NAMPT: variants seen among roughly 807,000 people sequenced by gnomAD.
The protein encoded by NAMPT is NAmPRTase.
NAMPT carries 7 observed loss-of-function variants against 58.7 expected under a neutral mutation model. The observed-to-expected ratio is 0.12, with a 90% CI of 0.07 to 0.22. NAMPT has a LOEUF of 0.22. NAMPT is among the 10% of genes least tolerant of loss of function. NAMPT has a pLI of 1.00. For missense variants in NAMPT, 271 were observed against 567.9 expected (o/e 0.48, Z 5.31); for synonymous variants, 145 against 198.1 (o/e 0.73, Z 2.25).
chr7:106,281,573 C>T (rs759459814), intron 1 of NAMPT, among the ~76,000 whole-genome samples: 5 of 152,214 alleles, frequency 3.3e-5, no homozygotes, highest in Non-Finnish European at 4.4e-5. Context: ...CTGCCCAACA[C>T]TGGCTAAGAC....
intron 6 of NAMPT, among the ~76,000 whole-genome samples, chr7:106,264,567 G>C (rs968115064): frequency 6.6e-6 from 1 of 151,940 alleles, no homozygotes; most frequent in African/African-American, 2.4e-5. Context: ...CATTTCCTTT[G>C]AGCAAAAAGT....
intron 6 of NAMPT, among the ~76,000 whole-genome samples, chr7:106,267,863 A>AAC (rs1792452564): frequency 1.4e-5 from 2 of 138,556 alleles, no homozygotes; most frequent in South Asian, 4.5e-4. Flanking sequence ...AAAAAAAAAA[A>AAC]AAAAAAAAAA....
chr7:106,272,162 AGT>A, intron 4 of NAMPT: 1 of 343,588 alleles, frequency 2.9e-6, no homozygotes, highest in Non-Finnish European at 5.8e-6. Flanking sequence ...AAGTTCCTTT[AGT>A]CTAACTTGAA....
intron 8 of NAMPT, 146 bp downstream of exon 8, chr7:106,261,442 T>C (rs943401454): frequency 3.4e-5 from 22 of 645,268 alleles, no homozygotes; most frequent in Non-Finnish European, 5.5e-5. Flanking sequence ...CTATTATTTC[T>C]AAACTTTAAG....
Position 106,263,468 on chromosome 7 carries a change from A to G in NAMPT, c.893T>C (p.Leu298Ser), listed in dbSNP as rs956935811. Reference sequence around the variant, plus strand: ...TGCCTGTGTACTTCTTGATACTATTAAATGTCTTAGATCTTCACCCCATAT... The same window carrying G: ...TGCCTGTGTACTTCTTGATACTATTGAATGTCTTAGATCTTCACCCCATAT... ...EKIWGEDLRHLIVSRSTQAPL... is the reference protein window; with the variant it reads ...EKIWGEDLRHSIVSRSTQAPL... Residue 298 changes from leucine to serine, a missense_variant, in exon 7 of 11, where the codon TTA (leucine) becomes TCA (serine). This residue lies in a region of NAMPT where 143 missense variants were observed against 331.1 expected (regional missense o/e 0.43). Coordinates refer to ENST00000222553, the MANE Select transcript of NAMPT (RefSeq NM_005746.3). 1 of 1,601,390 alleles carries G rather than the reference A, an allele frequency of 6.2e-7. No homozygotes were observed. Among genetic ancestry groups the G allele is most frequent in the Admixed American group, 1.7e-5 (1 of 59,948 alleles).
intron 8 of NAMPT, among the ~76,000 whole-genome samples, chr7:106,261,106 G>A (rs1349896803): frequency 6.6e-6 from 1 of 152,128 alleles, no homozygotes; most frequent in South Asian, 2.1e-4. Context: ...ATAAAATGAG[G>A]TACGCCTGCA....
At chr7:106,268,104 G>A (rs1287144188) in intron 6 of NAMPT, among the ~76,000 whole-genome samples, 1 of 151,980 alleles carries the variant, frequency 6.6e-6, no homozygotes, top group Non-Finnish European at 1.5e-5. Flanking sequence ...GGTCATGTAG[G>A]AGGACAGGGA....
chr7:106,264,767 A>C (rs375598475), intron 6 of NAMPT, among the ~76,000 whole-genome samples: 6 of 152,232 alleles, frequency 3.9e-5, no homozygotes, highest in African/African-American at 1.2e-4. Flanking sequence ...AGTAAATAAT[A>C]AAAAGATAGC....
chr7:106,274,902 G>T, intron 3 of NAMPT, 44 bp downstream of exon 3: 1 of 1,330,844 alleles, frequency 7.5e-7, no homozygotes, highest in African/African-American at 1.5e-5. Flanking sequence ...GTTTTGAACT[G>T]AAAGAAAAAC....
In NAMPT at chr7:106,272,658, T is replaced by G; in HGVS notation, c.319A>C (p.Lys107Gln). Residue 107 changes from lysine to glutamine, a missense_variant and splice_region_variant, in exon 4 of 11, where the codon AAG (lysine) becomes CAG (glutamine). By Grantham distance (53) the Lys-to-Gln change is moderately conservative. Around this residue, in one of 4 missense-constraint regions of NAMPT, gnomAD observed 103 missense variants for 194.2 expected, o/e 0.53. Coordinates refer to ENST00000222553, the MANE Select transcript of NAMPT (RefSeq NM_005746.3). The part of the protein sequence containing the change: ...NEKGWNYILE[K>Q]YDGHLPIEIK... ...TCTATTGGAAGATGCCCATCATACT[T>G]CTGGCAGGATAAAATGATAAATTTA... 1 of 1,612,754 alleles carries G rather than the reference T, an allele frequency of 6.2e-7. No homozygotes were observed. Among genetic ancestry groups the G allele is most frequent in the Non-Finnish European group, 8.5e-7 (1 of 1,179,162 alleles).
chr7:106,265,567 T>TTA (rs1554352150), intron 6 of NAMPT, among the ~76,000 whole-genome samples: 6 of 116,458 alleles, frequency 5.2e-5, no homozygotes, highest in African/African-American at 2.0e-4. Flanking sequence ...CTCAAAAGCT[T>TTA]AAAAAAAAAA....
At chr7:106,257,144 CAAA>C (rs919905307) in intron 8 of NAMPT, among the ~76,000 whole-genome samples, 3 of 136,370 alleles carry the variant, frequency 2.2e-5, no homozygotes, top group African/African-American at 2.7e-5. Flanking sequence ...AACTCCATCT[CAAA>C]AAAAAAAAAG....
At chr7:106,255,879 A>T (rs1000242945) in intron 8 of NAMPT, among the ~76,000 whole-genome samples, 1 of 152,244 alleles carries the variant, frequency 6.6e-6, no homozygotes, top group African/African-American at 2.4e-5. Flanking sequence ...AAGGTAAAAT[A>T]TAGAGAAAAT....
chr7:106,255,977 A>G (rs1461015607), intron 8 of NAMPT, among the ~76,000 whole-genome samples: 1 of 152,228 alleles, frequency 6.6e-6, no homozygotes, highest in Admixed American at 6.5e-5. Flanking sequence ...ATCTAATATC[A>G]TATCACTGTA....
chr7:106,261,514 G>A, intron 8 of NAMPT, 74 bp downstream of exon 8: 1 of 1,167,646 alleles, frequency 8.6e-7, no homozygotes, highest in Non-Finnish European at 1.2e-6. Context: ...TATTTATATT[G>A]TGTTCTTTAT....
In NAMPT at chr7:106,277,142, T is replaced by G. The variant is rs1271847141; in HGVS notation, c.95A>C (p.Lys32Thr). The G allele has an allele frequency of 6.8e-6, 11 of 1,612,002 alleles. No homozygotes were observed. The highest frequency in any genetic ancestry group is 9.3e-6 in the Non-Finnish European group (11 of 1,178,498). ...HYKQYPPNTS[K>T]VYSYFECREK... The stretch of plus-strand genomic sequence containing the variant: ...ACGGCATTCAAAGTAGGAATAAACT[T>G]TGCTTGTGTTGGGTGGATATTGTTT... The change falls in exon 2 of 11, where the codon AAA (lysine) becomes ACA (threonine). Residue 32 changes from lysine to threonine, a missense_variant. Lys to Thr is a moderately conservative substitution (Grantham distance 78). Around this residue, in one of 4 missense-constraint regions of NAMPT, gnomAD observed 103 missense variants for 194.2 expected, o/e 0.53. Transcript: ENST00000222553.
intron 1 of NAMPT, 86 bp downstream of exon 1, chr7:106,284,718 TAGCCCCAGCCCCAGCCCCAACCCC>T: frequency 1.3e-6 from 1 of 746,660 alleles, no homozygotes; most frequent in Non-Finnish European, 1.7e-6. Context: ...GCCGCGACCC[TAGCCCCAGCCCCAGCCCCAACCCC>T]AGCCCCAGCC....
intron 1 of NAMPT, among the ~76,000 whole-genome samples, chr7:106,277,767 T>C (rs1270082532): frequency 6.6e-6 from 1 of 152,154 alleles, no homozygotes. Context: ...CCCACCTAAC[T>C]GGAAAATAAA....
At chr7:106,251,294 G>T in intron 10 of NAMPT, 101 bp from the exon 11 acceptor site, 2 of 734,290 alleles carry the variant, frequency 2.7e-6, no homozygotes, top group Non-Finnish European at 2.4e-6. Flanking sequence ...ATACAGAGAT[G>T]CCAATGGTGT....
Sources: gnomAD v4.1 joint callset for allele counts (sites outside exome capture counted in the v4.1 genomes callset) on GRCh38, gnomAD v4.1.1 for gene constraint, gnomAD v4.1.1 regional missense constraint, MANE v1.5 for transcripts, NCBI Gene and HGNC (gene_info 2026-07-23, HGNC 2026-07-21) for gene names.